The following CNBD1 variants were observed in gnomAD, a reference collection of about 807,000 sequenced individuals.
CNBD1 encodes cyclic nucleotide binding domain containing 1, also known as cyclic nucleotide-binding domain-containing protein 1.
CNBD1 carries 71 observed loss-of-function variants against 54.4 expected under a neutral mutation model. The ratio of observed to expected loss-of-function variants is 1.30; its 90% CI spans 1.08 to 1.59. The LOEUF is 1.59. Among genes scored for constraint, CNBD1 ranks in the 40% most tolerant of loss-of-function variants. The probability of loss-of-function intolerance (pLI) is 0.00; values close to 1 mark genes in which losing one functional copy is unlikely to be tolerated. For synonymous variants in CNBD1, 182 were observed against 170.7 expected (o/e 1.07, Z -0.51); for missense variants, 659 against 518.0 (o/e 1.27, Z -2.64).
rs1390311246 is a variant in CNBD1, at chr8:87,226,580, G to A, written c.578-10339G>A. ...GTGAGATTCTTAATCCTGAGTTCTAGTTTGATTGCACTGTGGTCTGAGAGA... is the reference window on the plus strand; with the variant it reads ...GTGAGATTCTTAATCCTGAGTTCTAATTTGATTGCACTGTGGTCTGAGAGA... On this transcript the variant is annotated intron_variant, in intron 5 of 10. Coordinates refer to ENST00000518476, the MANE Select transcript of CNBD1 (RefSeq NM_173538.3). Among the ~76,000 whole-genome samples, 3 of 148,586 alleles carry A rather than the reference G, an allele frequency of 2.0e-5. No homozygotes were observed. The South Asian group carries it at 6.3e-4, about 31-fold the overall frequency.
At chr8:86,968,299 A>T (rs1401378308) in intron 4 of CNBD1, among the ~76,000 whole-genome samples, 1 of 152,124 alleles carries the variant, frequency 6.6e-6, no homozygotes, top group Non-Finnish European at 1.5e-5. Flanking sequence ...TATACTCATC[A>T]TGAGGGCCTG....
intron 8 of CNBD1, among the ~76,000 whole-genome samples, chr8:87,316,184 G>A (rs1166006670): frequency 6.6e-6 from 1 of 152,014 alleles, no homozygotes; most frequent in East Asian, 1.9e-4. Flanking sequence ...CTGTAATATT[G>A]TTGCATACAT....
At chr8:87,393,651 GA>G (rs1811355613) in intron 2 of CNBD1, among the ~76,000 whole-genome samples, 1 of 151,840 alleles carries the variant, frequency 6.6e-6, no homozygotes, top group Non-Finnish European at 1.5e-5. Flanking sequence ...ACAAAGAGAT[GA>G]ATGTAGTATG....
At chr8:86,976,918 A>G (rs1348316181) in intron 4 of CNBD1, among the ~76,000 whole-genome samples, 2 of 152,008 alleles carry the variant, frequency 1.3e-5, no homozygotes, top group Non-Finnish European at 2.9e-5. Flanking sequence ...AGTTTTAACA[A>G]CTTTTTTTTG....
intron 4 of CNBD1, among the ~76,000 whole-genome samples, chr8:87,096,507 T>C (rs901881770): frequency 6.6e-6 from 1 of 152,158 alleles, no homozygotes; most frequent in African/African-American, 2.4e-5. Flanking sequence ...ATTAGATCCA[T>C]AGTGGGGAAT....
chr8:87,213,197 T>C (rs1057156749), intron 5 of CNBD1, among the ~76,000 whole-genome samples: 1 of 152,014 alleles, frequency 6.6e-6, no homozygotes, highest in Non-Finnish European at 1.5e-5. Context: ...AAGAAAGTAT[T>C]AAGCGTTGGT....
chr8:86,933,882 T>C (rs1254758152), intron 3 of CNBD1, among the ~76,000 whole-genome samples: 1 of 152,152 alleles, frequency 6.6e-6, no homozygotes, highest in East Asian at 1.9e-4. Context: ...ATTGAGTACA[T>C]TATTTTATGT....
chr8:86,985,342 G>C lies in CNBD1; in HGVS notation c.431+45588G>C, dbSNP rs944534372. The stretch of plus-strand genomic sequence containing the variant: ...TTGGGTTATTGATCTCATTACCCAG[G>C]TAGTGAGCATATTACCCACTAGCCA... On this transcript the variant is annotated intron_variant, in intron 4 of 10. Coordinates refer to ENST00000518476, the MANE Select transcript of CNBD1 (RefSeq NM_173538.3). Among the ~76,000 whole-genome samples, 14 of 152,118 alleles carry C rather than the reference G, an allele frequency of 9.2e-5. 1 individual carries two copies. The highest frequency in any genetic ancestry group is 2.6e-4 in the Admixed American group (4 of 15,264).
intron 8 of CNBD1, among the ~76,000 whole-genome samples, chr8:87,312,320 T>C (rs539863176): frequency 5.9e-5 from 9 of 152,246 alleles, no homozygotes; most frequent in East Asian, 1.9e-4. Context: ...GAGTTACATA[T>C]GCACACATTC....
At chr8:87,365,212 G>A (rs1179252670) in intron 10 of CNBD1, among the ~76,000 whole-genome samples, 2 of 152,000 alleles carry the variant, frequency 1.3e-5, no homozygotes, top group East Asian at 3.9e-4. Context: ...GATGTGATGT[G>A]AGATGACATC....
chr8:87,078,218 A>C (rs1810915349), intron 4 of CNBD1, among the ~76,000 whole-genome samples: 1 of 152,246 alleles, frequency 6.6e-6, no homozygotes, highest in Non-Finnish European at 1.5e-5. Context: ...TGGCCAGTCA[A>C]TAAGACTAGG....
intron 4 of CNBD1, among the ~76,000 whole-genome samples, chr8:87,164,520 G>A (rs570634394): frequency 6.6e-6 from 1 of 151,404 alleles, no homozygotes; most frequent in East Asian, 1.9e-4. Context: ...AATCAGTTCT[G>A]GTAGGTTCTA....
chr8:86,997,936 G>C (rs976181861), intron 4 of CNBD1, among the ~76,000 whole-genome samples: 1 of 152,070 alleles, frequency 6.6e-6, no homozygotes, highest in Non-Finnish European at 1.5e-5. Context: ...TTAGTTTAAC[G>C]TTCCTTGTTA....
intron 9 of CNBD1, among the ~76,000 whole-genome samples, chr8:87,352,284 T>A (rs955280410): frequency 6.6e-6 from 1 of 151,842 alleles, no homozygotes; most frequent in Non-Finnish European, 1.5e-5. Flanking sequence ...ATCGAGACCA[T>A]CCTGGCCAAC....
chr8:87,228,903 G>A (rs60339350), intron 5 of CNBD1, among the ~76,000 whole-genome samples: 6,257 of 152,250 alleles, frequency 0.041, 398 homozygotes, highest in African/African-American at 0.13. Context: ...ACTCTGTGGG[G>A]TAGGACCCTC....
At chr8:87,025,928 G>A (rs183605656) in intron 4 of CNBD1, among the ~76,000 whole-genome samples, 1 of 152,272 alleles carries the variant, frequency 6.6e-6, no homozygotes, top group East Asian at 1.9e-4. Flanking sequence ...GGAGGAAAGG[G>A]AAATAGTTCA....
chr8:87,256,007 A>ATTT (rs1808011117), intron 6 of CNBD1, among the ~76,000 whole-genome samples: 2 of 19,800 alleles, frequency 1.0e-4, no homozygotes, highest in African/African-American at 2.7e-4. Flanking sequence ...ATATATATAT[A>ATTT]TATATATATT....
At chr8:87,302,288 A>C (rs541911296) in intron 8 of CNBD1, among the ~76,000 whole-genome samples, 156 of 152,230 alleles carry the variant, frequency 1.0e-3, no homozygotes, top group African/African-American at 3.3e-3. Context: ...AGCTTATCCA[A>C]CATGATCAAG....
At chr8:86,991,540 C>A (rs1324096474) in intron 4 of CNBD1, among the ~76,000 whole-genome samples, 3 of 151,974 alleles carry the variant, frequency 2.0e-5, no homozygotes, top group Non-Finnish European at 2.9e-5. Context: ...TTAGTTATTT[C>A]TTTTCTTCTG....
Sources: allele counts gnomAD v4.1 joint callset (sites outside exome capture counted in the v4.1 genomes callset), GRCh38; gene constraint gnomAD v4.1.1; transcripts MANE v1.5; gene names NCBI Gene and HGNC (gene_info 2026-07-23, HGNC 2026-07-21).